Variants in GUCY1A2 observed in about 807,000 individuals in gnomAD.
GUCY1A2 encodes the protein guanylate cyclase 1 soluble subunit alpha 2.
GUCY1A2 carries 27 observed loss-of-function variants against 63.5 expected under a neutral mutation model. That is an observed-to-expected ratio of 0.43 (90% CI 0.31 to 0.59). The LOEUF is 0.59. Among genes scored for constraint, GUCY1A2 ranks in the 20% least tolerant of loss-of-function variants. The probability of loss-of-function intolerance (pLI) is 0.11; values close to 1 mark genes in which losing one functional copy is unlikely to be tolerated. For synonymous variants in GUCY1A2, 364 were observed against 343.5 expected (o/e 1.06, Z -0.66); for missense variants, 768 against 913.3 (o/e 0.84, Z 2.05).
intron 6 of GUCY1A2, among the ~76,000 whole-genome samples, chr11:106,709,771 TATAGAATATATAGTTATATA>T (rs1341264000): frequency 4.3e-4 from 52 of 121,838 alleles, no homozygotes; most frequent in African/African-American, 1.4e-3. Flanking sequence ...TATATACACG[TATAGAATATATAGTTATATA>T]TTATATACAC....
chr11:106,827,336 C>A, intron 4 of GUCY1A2: 1 of 1,558,516 alleles, frequency 6.4e-7, no homozygotes, highest in Non-Finnish European at 8.9e-7. Context: ...GCTGCTCCTG[C>A]ATCGAAGAAA....
At chr11:106,752,073 A>T (rs1446034800) in intron 6 of GUCY1A2, among the ~76,000 whole-genome samples, 1 of 152,246 alleles carries the variant, frequency 6.6e-6, no homozygotes, top group Non-Finnish European at 1.5e-5. Flanking sequence ...AAATACCAAC[A>T]GTAAATTGTG....
chr11:106,753,946 A>G (rs1181820443), intron 6 of GUCY1A2, among the ~76,000 whole-genome samples: 2 of 152,138 alleles, frequency 1.3e-5, no homozygotes, highest in Non-Finnish European at 2.9e-5. Flanking sequence ...TACTTTGGGC[A>G]GTATGGACAT....
At chr11:106,720,762 T>G (rs139471334) in intron 6 of GUCY1A2, among the ~76,000 whole-genome samples, 15 of 152,272 alleles carry the variant, frequency 9.9e-5, no homozygotes, top group African/African-American at 3.6e-4. Context: ...TAAGGAGGTA[T>G]GATTACCAAA....
Position 106,693,426 on chromosome 11 carries a change from G to A in GUCY1A2, c.1992-5670C>T, listed in dbSNP as rs190480535. ...TCATCATCGTCGTCTTTCTATCTCT[G>A]GTATTGTGAAAATTAATAATAATAT... On this transcript the variant is annotated intron_variant, in intron 7 of 7. Transcript: ENST00000526355. Among the ~76,000 whole-genome samples the A allele has an allele frequency of 1.9e-3, 289 of 151,776 alleles. 2 individuals carry two copies. The highest frequency in any genetic ancestry group is 3.4e-3 in the Non-Finnish European group (231 of 67,914).
chr11:106,704,985 T>A (rs1862883323), intron 7 of GUCY1A2, among the ~76,000 whole-genome samples: 1 of 151,664 alleles, frequency 6.6e-6, no homozygotes, highest in Non-Finnish European at 1.5e-5. Context: ...ACTTATCCCA[T>A]CATTGGGATG....
At chr11:106,983,992 C>G (rs902117890) in intron 2 of GUCY1A2, among the ~76,000 whole-genome samples, 29 of 152,032 alleles carry the variant, frequency 1.9e-4, no homozygotes, top group Admixed American at 1.4e-3. Context: ...GCTCTGCTTT[C>G]TTGATTGTGA....
At chr11:106,716,486 T>C (rs1411029115) in intron 6 of GUCY1A2, among the ~76,000 whole-genome samples, 2 of 152,058 alleles carry the variant, frequency 1.3e-5, no homozygotes, top group African/African-American at 4.8e-5. Context: ...CCAATAGCAT[T>C]GTGATTTTCT....
At chr11:106,882,524 A>G (rs1859838858) in intron 4 of GUCY1A2, among the ~76,000 whole-genome samples, 1 of 152,004 alleles carries the variant, frequency 6.6e-6, no homozygotes, top group Admixed American at 6.6e-5. Flanking sequence ...CCGTTTTCTA[A>G]TGGCTATAGT....
At chr11:106,849,804 T>G (rs2135449672) in intron 4 of GUCY1A2, among the ~76,000 whole-genome samples, 1 of 151,692 alleles carries the variant, frequency 6.6e-6, no homozygotes, top group East Asian at 1.9e-4. Context: ...TGGAAAGAAT[T>G]TAGGGAAAAC....
Position 106,873,143 on chromosome 11 carries a change from C to T in GUCY1A2, c.1207-62665G>A, listed in dbSNP as rs563838301. On this transcript the variant is annotated intron_variant, in intron 4 of 7. Transcript: ENST00000526355. Reference sequence around the variant, plus strand: ...CATAGTATTCCGTGGTATATATGTACCACATTTTCTTTATCCGGTCTATCA... The same window carrying T: ...CATAGTATTCCGTGGTATATATGTATCACATTTTCTTTATCCGGTCTATCA... Among the ~76,000 whole-genome samples, 69 of 152,262 alleles carry T rather than the reference C, an allele frequency of 4.5e-4. 1 individual carries two copies. Among genetic ancestry groups the T allele is most frequent in the African/African-American group, 1.4e-3 (59 of 41,538 alleles).
intron 4 of GUCY1A2, among the ~76,000 whole-genome samples, chr11:106,872,869 C>T (rs1859699708): frequency 6.6e-6 from 1 of 152,058 alleles, no homozygotes; most frequent in Non-Finnish European, 1.5e-5. Context: ...TATACATGTG[C>T]CATGGTGGCT....
At chr11:106,939,321 A>G (rs1860719816) in intron 4 of GUCY1A2, 139 bp downstream of exon 4, 1 of 598,884 alleles carries the variant, frequency 1.7e-6, no homozygotes, top group Admixed American at 2.6e-5. Context: ...TTTTACATAC[A>G]TCCAGGGACC....
At chr11:106,835,289 A>G (rs535245319) in intron 4 of GUCY1A2, among the ~76,000 whole-genome samples, 1 of 152,038 alleles carries the variant, frequency 6.6e-6, no homozygotes, top group Non-Finnish European at 1.5e-5. Context: ...GTAAAACAAA[A>G]CAGCAGATGG....
chr11:106,720,041 AT>A (rs528564703), intron 6 of GUCY1A2, among the ~76,000 whole-genome samples: 52 of 152,346 alleles, frequency 3.4e-4, no homozygotes, highest in Admixed American at 2.7e-3. Context: ...TATCAAAAAA[AT>A]ATTCCTTTAT....
intron 6 of GUCY1A2, among the ~76,000 whole-genome samples, chr11:106,731,584 G>A (rs901132406): frequency 6.6e-6 from 1 of 152,104 alleles, no homozygotes; most frequent in Non-Finnish European, 1.5e-5. Flanking sequence ...TAGGAAGAGA[G>A]GACGTCAAAC....
Position 106,680,834 on chromosome 11 carries a change from T to C in GUCY1A2, c.*6715A>G, listed in dbSNP as rs1401331852. The C allele has an allele frequency of 4.4e-5, 9 of 206,136 alleles. No individual in the cohort carries two copies. The highest frequency in any genetic ancestry group is 8.9e-5 in the Non-Finnish European group (9 of 100,864). The allele number at this position is 206,136 out of a possible 1,614,324, so 12.8% of individuals were successfully genotyped here. On this transcript the variant is annotated 3_prime_UTR_variant, in exon 8 of 8. Transcript: ENST00000526355. ...TGGGTTCATATTCATGTTTAGGGGA[T>C]TGTTTACCTTGCAGGGCAATAATAG... is the stretch of plus-strand genomic sequence containing the variant.
intron 5 of GUCY1A2, among the ~76,000 whole-genome samples, chr11:106,790,402 TG>T (rs1864637428): frequency 6.6e-6 from 1 of 152,136 alleles, no homozygotes; most frequent in South Asian, 2.1e-4. Flanking sequence ...GGCTGCCCTC[TG>T]GCCCAGGGCA....
At chr11:106,889,544 C>A (rs1859946991) in intron 4 of GUCY1A2, among the ~76,000 whole-genome samples, 1 of 152,192 alleles carries the variant, frequency 6.6e-6, no homozygotes, top group Non-Finnish European at 1.5e-5. Context: ...ACATTTATTA[C>A]AGGACCTTTG....
Sources: gnomAD v4.1 joint callset for allele counts (sites outside exome capture counted in the v4.1 genomes callset) on GRCh38, gnomAD v4.1.1 for gene constraint, MANE v1.5 for transcripts, NCBI Gene and HGNC (gene_info 2026-07-23, HGNC 2026-07-21) for gene names.